Variants in DTWD2 observed in about 807,000 individuals in gnomAD.
The protein encoded by DTWD2 is tRNA-uridine aminocarboxypropyltransferase 2.
In DTWD2, 39 loss-of-function variants were observed where a neutral mutation model predicts 31.8. The ratio of observed to expected loss-of-function variants is 1.22; its 90% CI spans 0.95 to 1.60. DTWD2 has a LOEUF of 1.60. Among genes scored for constraint, DTWD2 ranks in the 40% most tolerant of loss-of-function variants. The probability of loss-of-function intolerance (pLI) is 0.00; values close to 1 mark genes in which losing one functional copy is unlikely to be tolerated. For missense variants in DTWD2, 515 were observed against 381.5 expected, an observed-to-expected ratio of 1.35 and a Z score of -2.92; for synonymous variants, 180 against 142.8, an observed-to-expected ratio of 1.26 and a Z score of -1.86.
chr5:118,957,525 T>C (rs1237019355), intron 1 of DTWD2, among the ~76,000 whole-genome samples: 1 of 152,134 alleles, frequency 6.6e-6, no homozygotes, highest in African/African-American at 2.4e-5. Flanking sequence ...TGGCCACTGT[T>C]GTGATTTTTT....
At position 118,853,041 on chromosome 5, in the gene DTWD2, C is replaced by G. The variant is rs563587746; in HGVS notation, c.598-4823G>C. Among the ~76,000 whole-genome samples the G allele has an allele frequency of 2.6e-5, 4 of 152,222 alleles. No individual in the cohort carries two copies. The South Asian group carries it at 6.2e-4, about 24-fold the overall frequency. ...ACACATGGGCATAAAGACAGGAACACAGACACTGGAGACTACTAGAGAGAG... is the reference window on the plus strand; with the variant it reads ...ACACATGGGCATAAAGACAGGAACAGAGACACTGGAGACTACTAGAGAGAG... On this transcript the variant is annotated intron_variant, in intron 4 of 5. Coordinates refer to ENST00000510708, the MANE Select transcript of DTWD2 (RefSeq NM_173666.4).
chr5:118,947,966 T>C (rs143994596), intron 1 of DTWD2, among the ~76,000 whole-genome samples: 1 of 152,304 alleles, frequency 6.6e-6, no homozygotes, highest in African/African-American at 2.4e-5. Flanking sequence ...TTAGACTCAC[T>C]TTAATAACAA....
chr5:118,895,018 G>T (rs915817221), intron 4 of DTWD2, among the ~76,000 whole-genome samples: 3 of 151,928 alleles, frequency 2.0e-5, no homozygotes, highest in Admixed American at 6.6e-5. Flanking sequence ...AGAAAAATTA[G>T]GCAAAGGAAG....
chr5:118,986,214 G>A (rs183361280), intron 1 of DTWD2, among the ~76,000 whole-genome samples: 99 of 152,172 alleles, frequency 6.5e-4, no homozygotes, highest in African/African-American at 2.3e-3. Context: ...AATTATATAC[G>A]TTTGGGAATG....
intron 4 of DTWD2, among the ~76,000 whole-genome samples, chr5:118,875,000 G>A (rs1752589741): frequency 6.6e-6 from 1 of 152,098 alleles, no homozygotes; most frequent in African/African-American, 2.4e-5. Flanking sequence ...AAACCCATCA[G>A]ACAGTGAACC....
At chr5:118,868,451 ACAAT>A in intron 4 of DTWD2, among the ~76,000 whole-genome samples, 2 of 152,324 alleles carry the variant, frequency 1.3e-5, no homozygotes, top group African/African-American at 4.8e-5. Flanking sequence ...ATCAAAAAAC[ACAAT>A]CAAGAAAGTG....
At chr5:118,959,002 G>C (rs1168458478) in intron 1 of DTWD2, among the ~76,000 whole-genome samples, 1 of 152,032 alleles carries the variant, frequency 6.6e-6, no homozygotes, top group Non-Finnish European at 1.5e-5. Context: ...ATACTGAACG[G>C]GCAAAAACCA....
Position 118,875,135 on chromosome 5 carries a change from G to C in DTWD2, c.598-26917C>G, listed in dbSNP as rs575251335. On this transcript the variant is annotated intron_variant, in intron 4 of 5. Coordinates refer to ENST00000510708, the MANE Select transcript of DTWD2 (RefSeq NM_173666.4). The stretch of plus-strand genomic sequence containing the variant: ...AAGATTCATACGGAGAAAAAAGTAA[G>C]ATCATTTTCAAACAAGCAAATGCTG... Among the ~76,000 whole-genome samples the C allele has an allele frequency of 9.2e-5, 14 of 152,186 alleles. No homozygotes were observed. The South Asian group carries it at 2.9e-3, about 32-fold the overall frequency.
At chr5:118,932,305 T>C (rs1753941763) in intron 3 of DTWD2, among the ~76,000 whole-genome samples, 1 of 147,650 alleles carries the variant, frequency 6.8e-6, no homozygotes, top group Non-Finnish European at 1.5e-5. Context: ...AGCAAGACTC[T>C]GTCTTGACAA....
intron 3 of DTWD2, among the ~76,000 whole-genome samples, chr5:118,931,418 A>T (rs1753920519): frequency 6.6e-6 from 1 of 151,186 alleles, no homozygotes; most frequent in Admixed American, 6.6e-5. Context: ...AAAAAAAAAA[A>T]AGTAACTGCA....
chr5:118,904,951 AAG>A (rs998042457), intron 4 of DTWD2, among the ~76,000 whole-genome samples: 1 of 152,134 alleles, frequency 6.6e-6, no homozygotes, highest in Non-Finnish European at 1.5e-5. Context: ...CAGGGAAGGT[AAG>A]AGTTTAGCAG....
intron 4 of DTWD2, among the ~76,000 whole-genome samples, chr5:118,849,978 C>T (rs184177010): frequency 0.011 from 1,715 of 151,400 alleles, 9 homozygotes; most frequent in Non-Finnish European, 0.019. Flanking sequence ...TGTAGCAAAC[C>T]TGCACATCCT....
At chr5:118,889,597 G>C (rs930746143) in intron 4 of DTWD2, among the ~76,000 whole-genome samples, 3 of 152,048 alleles carry the variant, frequency 2.0e-5, no homozygotes, top group Non-Finnish European at 4.4e-5. Context: ...TTGATATATA[G>C]GTTGTCTCTA....
chr5:118,915,911 T>C (rs933954378), intron 4 of DTWD2, among the ~76,000 whole-genome samples: 5 of 152,140 alleles, frequency 3.3e-5, no homozygotes, highest in Admixed American at 2.0e-4. Flanking sequence ...AGTTCTGATA[T>C]CCAAATAGGA....
chr5:118,885,776 A>T (rs183744296), intron 4 of DTWD2, among the ~76,000 whole-genome samples: 171 of 151,250 alleles, frequency 1.1e-3, no homozygotes, highest in Middle Eastern at 3.4e-3. Context: ...TTAAAAAAAA[A>T]AATAAAAATA....
intron 4 of DTWD2, among the ~76,000 whole-genome samples, chr5:118,903,586 T>G (rs1377886507): frequency 2.6e-5 from 4 of 152,032 alleles, no homozygotes; most frequent in African/African-American, 9.6e-5. Flanking sequence ...AAGCAGAATT[T>G]TCAAGGAGAA....
chr5:118,845,330 CTATGTTT>C (rs1213839025), intron 5 of DTWD2, among the ~76,000 whole-genome samples: 3 of 152,064 alleles, frequency 2.0e-5, no homozygotes, highest in Non-Finnish European at 4.4e-5. Context: ...AAGAAAACAC[CTATGTTT>C]AGGGCAGACT....
intron 5 of DTWD2, among the ~76,000 whole-genome samples, chr5:118,842,254 C>A (rs913676547): frequency 6.6e-6 from 1 of 152,136 alleles, no homozygotes; most frequent in Non-Finnish European, 1.5e-5. Flanking sequence ...TTCAAGGTAG[C>A]AATGTGTCCA....
At chr5:118,930,179 G>C (rs932056210) in intron 3 of DTWD2, among the ~76,000 whole-genome samples, 6 of 152,054 alleles carry the variant, frequency 3.9e-5, no homozygotes, top group Non-Finnish European at 7.4e-5. Flanking sequence ...ACCTTCAGAG[G>C]GTGAAGAGGA....
Sources: gnomAD v4.1 joint callset for allele counts (sites outside exome capture counted in the v4.1 genomes callset) on GRCh38, gnomAD v4.1.1 for gene constraint, MANE v1.5 for transcripts, NCBI Gene and HGNC (gene_info 2026-07-23, HGNC 2026-07-21) for gene names.